Variants in CD28 observed in about 807,000 individuals in gnomAD.
The protein encoded by CD28 is T-cell-specific surface glycoprotein CD28.
CD28 carries 8 observed loss-of-function variants against 21.4 expected under a neutral mutation model. That is an observed-to-expected ratio of 0.37 (90% CI 0.22 to 0.68). The LOEUF is 0.68. CD28 is among the 30% of genes least tolerant of loss of function. The pLI, the probability that CD28 is intolerant of heterozygous loss-of-function variation, is 0.55. For missense variants in CD28, 239 were observed against 272.2 expected (o/e 0.88, Z 0.86); for synonymous variants, 106 against 104.0 (o/e 1.02, Z -0.12).
At chr2:203,729,297 G>A (rs1235778809) in intron 2 of CD28, among the ~76,000 whole-genome samples, 2 of 152,190 alleles carry the variant, frequency 1.3e-5, no homozygotes, top group Admixed American at 1.3e-4. Context: ...CAAGGATGCA[G>A]TTTAGGGTCT....
chr2:203,710,433 G>A (rs985762042), intron 1 of CD28, among the ~76,000 whole-genome samples: 1 of 152,198 alleles, frequency 6.6e-6, no homozygotes, highest in Admixed American at 6.5e-5. Context: ...ATTAGAAATA[G>A]AAATGAATCT....
At position 203,735,993 on chromosome 2, in the gene CD28, G is replaced by A. The variant is rs1263258932; in HGVS notation, c.*1081G>A. The stretch of plus-strand genomic sequence containing the variant: ...ACAGCTCTCCAGCCTGGGCGACAGA[G>A]TGAGACTCCATCTCAAACAACAACA... On this transcript the variant is annotated 3_prime_UTR_variant, in exon 4 of 4. Transcript: ENST00000324106. 7.1e-6 allele frequency: 1 copy of A among 141,110 alleles called. No individual in the cohort carries two copies. Among genetic ancestry groups the A allele is most frequent in the Non-Finnish European group, 1.6e-5 (1 of 61,316 alleles). 8.7% of individuals were successfully genotyped at this position (141,110 alleles called of 1,614,324 possible).
At position 203,737,348 on chromosome 2, in the gene CD28, C is replaced by G. The variant is rs201309820; in HGVS notation, c.*2436C>G. The G allele has an allele frequency of 6.6e-6, 1 of 152,148 alleles. No homozygotes were observed. Among genetic ancestry groups the G allele is most frequent in the East Asian group, 1.9e-4 (1 of 5,200 alleles). The allele number at this position is 152,148 out of a possible 1,614,324, so 9.4% of individuals were successfully genotyped here. ...GCCAGCTTCTTGGGCACACAGAGTT[C>G]TTCAATCCAAGTTATCAGATTGTAT... On this transcript the variant is annotated 3_prime_UTR_variant, in exon 4 of 4. Coordinates refer to ENST00000324106, the MANE Select transcript of CD28 (RefSeq NM_006139.4).
intron 3 of CD28, 125 bp from the exon 4 acceptor site, chr2:203,734,659 C>A: frequency 8.4e-7 from 1 of 1,187,580 alleles, no homozygotes; most frequent in Non-Finnish European, 1.2e-6. Flanking sequence ...CCAAGGTGCT[C>A]AAAAAAGGTT....
chr2:203,726,358 C>T (rs1463245777), intron 1 of CD28, among the ~76,000 whole-genome samples: 1 of 152,148 alleles, frequency 6.6e-6, no homozygotes, highest in African/African-American at 2.4e-5. Flanking sequence ...ATTGTGAGTG[C>T]CTAGCTGTGG....
intron 1 of CD28, among the ~76,000 whole-genome samples, chr2:203,707,830 G>A (rs1035654110): frequency 6.6e-6 from 1 of 152,172 alleles, no homozygotes; most frequent in African/African-American, 2.4e-5. Flanking sequence ...CTAACATGGT[G>A]TGATTTGTAA....
intron 3 of CD28, among the ~76,000 whole-genome samples, chr2:203,730,310 T>C (rs1693855021): frequency 1.3e-5 from 2 of 152,336 alleles, no homozygotes; most frequent in South Asian, 4.1e-4. Flanking sequence ...GTGCTGTCAT[T>C]ATGAAACTAT....
Position 203,706,658 on chromosome 2 carries a change from G to A in CD28, c.-39G>A. 2 of 1,614,086 alleles carry A rather than the reference G, an allele frequency of 1.2e-6. No individual in the cohort carries two copies. The highest frequency in any genetic ancestry group is 8.5e-7 in the Non-Finnish European group (1 of 1,179,992). The stretch of plus-strand genomic sequence containing the variant: ...CCCCTCACACTTCGGGTTCCTCGGG[G>A]AGGAGGGGCTGGAACCCTAGCCCAT... On this transcript the variant is annotated 5_prime_UTR_variant, in exon 1 of 4. Transcript: ENST00000324106.
Position 203,706,710 on chromosome 2 carries a change from T to C in CD28, c.14T>C (p.Leu5Pro), listed in dbSNP as rs780493602. The change falls in exon 1 of 4, where the codon CTC (leucine) becomes CCC (proline). Residue 5 changes from leucine to proline, a missense_variant. Physicochemically the swap from Leu to Pro is moderately conservative, Grantham distance 98. Around this residue, in one of 3 missense-constraint regions of CD28, gnomAD observed 104 missense variants for 108.5 expected, o/e 0.96. Coordinates refer to ENST00000324106, the MANE Select transcript of CD28 (RefSeq NM_006139.4). ...GTCAGGACAAAGATGCTCAGGCTGC[T>C]CTTGGCTCTCAACTTATTCCCTTCA... MLRL[L>P]LALNLFPSIQ... 3 of 1,614,174 alleles carry C rather than the reference T, an allele frequency of 1.9e-6. No individual in the cohort carries two copies. The highest frequency in any genetic ancestry group is 1.1e-5 in the South Asian group (1 of 91,082).
At chr2:203,716,937 C>T (rs1026185858) in intron 1 of CD28, among the ~76,000 whole-genome samples, 6 of 152,064 alleles carry the variant, frequency 3.9e-5, no homozygotes, top group African/African-American at 1.4e-4. Flanking sequence ...CTCAAGTGAT[C>T]CTCCCACCTC....
rs1405221346 is a variant in CD28, at chr2:203,726,826, G to A, written c.246G>A (p.Thr82=). 5.0e-6 allele frequency: 8 copies of A among 1,614,042 alleles called. No homozygotes were observed. Among genetic ancestry groups the A allele is most frequent in the Middle Eastern group, 1.6e-4 (1 of 6,084 alleles). The change falls in exon 2 of 4, where the codon ACG becomes ACA. Residue 82 remains threonine, a synonymous_variant. Coordinates refer to ENST00000324106, the MANE Select transcript of CD28 (RefSeq NM_006139.4). ...YSQQLQVYSK[T]GFNCDGKLGN... is the part of the protein sequence containing the mutation. Reference sequence around the variant, plus strand: ...AGCAGCTTCAGGTTTACTCAAAAACGGGGTTCAACTGTGATGGGAAATTGG... The same window carrying A: ...AGCAGCTTCAGGTTTACTCAAAAACAGGGTTCAACTGTGATGGGAAATTGG...
chr2:203,736,642 C>G lies in CD28; in HGVS notation c.*1730C>G, dbSNP rs1006671006. 2.0e-5 allele frequency: 3 copies of G among 152,194 alleles called. No homozygotes were observed. The highest frequency in any genetic ancestry group is 4.4e-5 in the Non-Finnish European group (3 of 68,030). 9.4% of individuals were successfully genotyped at this position (152,194 alleles called of 1,614,324 possible). On this transcript the variant is annotated 3_prime_UTR_variant, in exon 4 of 4. Transcript: ENST00000324106. Reference sequence around the variant, plus strand: ...TGAAGAATGGCCCTTCAGTGGCCCTCACCATTTGTTCATGCTTCAGTTAAT... The same window carrying G: ...TGAAGAATGGCCCTTCAGTGGCCCTGACCATTTGTTCATGCTTCAGTTAAT...
intron 3 of CD28, among the ~76,000 whole-genome samples, chr2:203,732,300 G>A (rs2106124346): frequency 6.6e-6 from 1 of 152,224 alleles, no homozygotes; most frequent in East Asian, 1.9e-4. Context: ...TTGACCTGAT[G>A]TTGACATTTG....
chr2:203,734,748 A>G (rs201180139), intron 3 of CD28, 36 bp from the exon 4 acceptor site: 9 of 1,613,084 alleles, frequency 5.6e-6, no homozygotes, highest in Non-Finnish European at 7.6e-6. Flanking sequence ...CTTCCATGAC[A>G]TTGTCCCTCC....
At chr2:203,722,029 C>A (rs1027296693) in intron 1 of CD28, among the ~76,000 whole-genome samples, 3 of 152,212 alleles carry the variant, frequency 2.0e-5, no homozygotes, top group African/African-American at 7.2e-5. Context: ...AGCCCACCCA[C>A]ACTCCCTTTT....
intron 2 of CD28, among the ~76,000 whole-genome samples, chr2:203,727,952 C>A (rs1693796833): frequency 6.6e-6 from 1 of 152,158 alleles, no homozygotes; most frequent in African/African-American, 2.4e-5. Context: ...GCTGGGATTA[C>A]AGGCGTGAGC....
chr2:203,729,914 T>A (rs1237582173), intron 3 of CD28, 142 bp downstream of exon 3: 2 of 827,936 alleles, frequency 2.4e-6, no homozygotes, highest in Non-Finnish European at 3.8e-6. Flanking sequence ...GTAGGTTCTC[T>A]TTTAGCTTGT....
rs201468817 is a variant in CD28, at chr2:203,736,809, T to C, written c.*1897T>C. 6.6e-6 allele frequency: 1 copy of C among 152,242 alleles called. No homozygotes were observed. Among genetic ancestry groups the C allele is most frequent in the East Asian group, 1.9e-4 (1 of 5,206 alleles). 9.4% of individuals were successfully genotyped at this position (152,242 alleles called of 1,614,324 possible). A position where few individuals can be genotyped will look rare whatever the true frequency, so the allele number is the denominator to read the frequency against. On this transcript the variant is annotated 3_prime_UTR_variant, in exon 4 of 4. Coordinates refer to ENST00000324106, the MANE Select transcript of CD28 (RefSeq NM_006139.4). ...AAAATGGAGATAATGGTTACAAATG[T>C]CTCTTCCTATAGTATAATCTCCATA...
At chr2:203,718,611 C>A (rs1290226864) in intron 1 of CD28, among the ~76,000 whole-genome samples, 1 of 152,166 alleles carries the variant, frequency 6.6e-6, no homozygotes, top group Non-Finnish European at 1.5e-5. Context: ...CTATGATGTG[C>A]ATAAATGGAA....
Sources: gnomAD v4.1 joint callset for allele counts (sites outside exome capture counted in the v4.1 genomes callset) on GRCh38, gnomAD v4.1.1 for gene constraint, gnomAD v4.1.1 regional missense constraint, MANE v1.5 for transcripts, NCBI Gene and HGNC (gene_info 2026-07-23, HGNC 2026-07-21) for gene names.